The following SAGE1 variants were observed in gnomAD, a reference collection of about 807,000 sequenced individuals.
The protein encoded by SAGE1 is sarcoma antigen 1.
In SAGE1, 55 loss-of-function variants were observed where a neutral mutation model predicts 55.4. The ratio of observed to expected loss-of-function variants is 0.99; its 90% CI spans 0.80 to 1.24. The LOEUF is 1.24. SAGE1 is among the 50% of genes most tolerant of loss of function. The pLI is 0.00. For synonymous variants in SAGE1, 240 were observed against 244.3 expected, an observed-to-expected ratio of 0.98 and a Z score of 0.17; for missense variants, 710 against 704.4, an observed-to-expected ratio of 1.01 and a Z score of -0.09.
rs781844890 is a variant in SAGE1 at position 135,906,551 on chromosome X, T to G, written c.736T>G (p.Tyr246Asp). The change falls in exon 7 of 20, where the codon TAT becomes GAT. Residue 246 changes from tyrosine (Y) to aspartate (D), a missense_variant and splice_region_variant. Coordinates refer to ENST00000370709, the MANE Select transcript of SAGE1 (RefSeq NM_001381902.1). Reference protein sequence around the residue: ...GISPMSTRDPYATITYNVPEE... With the variant: ...GISPMSTRDPDATITYNVPEE... ...TTCACCCATGAGTACCAGGGATCCA[T>G]GTAAGTTTGTTTATTTGTATTACTG... 3 of 1,160,634 alleles carry G rather than the reference T, an allele frequency of 2.6e-6. No individual in the cohort carries two copies. The highest frequency in any genetic ancestry group is 3.5e-6 in the Non-Finnish European group (3 of 857,376).
At chrX:135,904,388 T>A (rs2088741480) in intron 3 of SAGE1, 89 bp from the exon 4 acceptor site, 2 of 543,237 alleles carry the variant, frequency 3.7e-6, no homozygotes, top group Admixed American at 5.9e-5. Context: ...ATGAGATAAT[T>A]TCCTAGATAC....
At chrX:135,908,454 C>T (rs1433375832) in intron 11 of SAGE1, 23 bp from the exon 12 acceptor site, 3 of 1,188,592 alleles carry the variant, frequency 2.5e-6, no homozygotes, top group Non-Finnish European at 2.3e-6. Flanking sequence ...ACTCACAGCT[C>T]GACCTCTTTA....
At chrX:135,899,874 C>T (rs782245297) in intron 2 of SAGE1, among the ~76,000 whole-genome samples, 1 of 110,940 alleles carries the variant, frequency 9.0e-6, no homozygotes, top group Non-Finnish European at 1.9e-5. Context: ...AATTGCTTAT[C>T]AGCTTAAGAA....
At chrX:135,904,736 A>T (rs1556599234) in intron 4 of SAGE1, among the ~76,000 whole-genome samples, 167 bp downstream of exon 4, 2 of 111,450 alleles carry the variant, frequency 1.8e-5, no homozygotes, top group African/African-American at 6.5e-5. Flanking sequence ...GGGGTATCAG[A>T]TGGCCAGCTG....
chrX:135,893,820 T>C (rs1327693128), intron 1 of SAGE1, among the ~76,000 whole-genome samples, 39 bp downstream of exon 1: 2 of 111,927 alleles, frequency 1.8e-5, no homozygotes, highest in Non-Finnish European at 3.8e-5. Context: ...TCTTGTGATA[T>C]ATTTCTCTGG....
In SAGE1 at chrX:135,894,159, G is replaced by A. The variant is rs781868588; in HGVS notation, c.-1+378G>A. 4.9e-3 allele frequency among the ~76,000 whole-genome samples: 544 copies of A among 111,861 alleles called. 4 individuals are homozygous for A. Among genetic ancestry groups the A allele is most frequent in the Non-Finnish European group, 6.7e-3 (358 of 53,120 alleles). On this transcript the variant is annotated intron_variant, in intron 1 of 19. Transcript: ENST00000370709. ...CATGATCTTGGCTCACCCAACCTCC[G>A]CCTCCCGGGTTCAAGTGATTCTCCT...
intron 12 of SAGE1, 22 bp downstream of exon 12, chrX:135,908,639 A>G (rs782700394): frequency 8.6e-7 from 1 of 1,157,607 alleles, no homozygotes; most frequent in African/African-American, 1.8e-5. Context: ...TTTTAGTTAT[A>G]CCATCCTCCT....
chrX:135,908,313 ATT>A, intron 11 of SAGE1, 84 bp downstream of exon 11: 1 of 1,057,810 alleles, frequency 9.5e-7, no homozygotes, highest in Admixed American at 2.4e-5. Flanking sequence ...GTTTTATTAT[ATT>A]GTCTTTCGTG....
At chrX:135,902,816 T>C (rs1191969643) in intron 3 of SAGE1, among the ~76,000 whole-genome samples, 3 of 112,235 alleles carry the variant, frequency 2.7e-5, no homozygotes, top group African/African-American at 6.5e-5. Context: ...GTATAAATTC[T>C]GCATCCAACC....
At chrX:135,905,633 G>C (rs1452702519) in intron 5 of SAGE1, among the ~76,000 whole-genome samples, 1 of 111,586 alleles carries the variant, frequency 9.0e-6, no homozygotes, top group Non-Finnish European at 1.9e-5. Context: ...CTCTTCGTTT[G>C]TTTTCCAGAT....
chrX:135,911,151 T>C, intron 16 of SAGE1, 41 bp from the exon 17 acceptor site: 1 of 1,195,730 alleles, frequency 8.4e-7, no homozygotes, highest in Admixed American at 2.2e-5. Context: ...GTTGTCATTA[T>C]GCACTTACTT....
At chrX:135,894,370 C>A (rs1168245707) in intron 1 of SAGE1, among the ~76,000 whole-genome samples, 3 of 113,051 alleles carry the variant, frequency 2.7e-5, no homozygotes, top group Non-Finnish European at 5.6e-5. Context: ...CTGCACCCAG[C>A]CTGTTTCTTC....
intron 10 of SAGE1, 90 bp downstream of exon 10, chrX:135,907,931 T>C (rs1556603083): frequency 9.2e-7 from 1 of 1,084,354 alleles, no homozygotes; most frequent in Non-Finnish European, 1.3e-6. Context: ...TGTTGTATTA[T>C]GTTTTCTGGC....
At chrX:135,907,620 C>T (rs2088819508) in intron 9 of SAGE1, 81 bp from the exon 10 acceptor site, 2 of 1,069,299 alleles carry the variant, frequency 1.9e-6, no homozygotes, top group Non-Finnish European at 2.6e-6. Flanking sequence ...ATTTCCTAGA[C>T]CCTGAGCATC....
intron 12 of SAGE1, 45 bp from the exon 13 acceptor site, chrX:135,908,819 A>G (rs782154467): frequency 2.5e-6 from 3 of 1,194,873 alleles, no homozygotes; most frequent in South Asian, 1.8e-5. Context: ...TGGGGTTGAC[A>G]TAATGCACGT....
intron 2 of SAGE1, among the ~76,000 whole-genome samples, chrX:135,898,912 G>T (rs782744186): frequency 8.9e-6 from 1 of 112,151 alleles, no homozygotes; most frequent in Non-Finnish European, 1.9e-5. Flanking sequence ...CAGATGGGCA[G>T]ATTGCAAAAG....
At chrX:135,907,109 A>T (rs1217117574) in intron 8 of SAGE1, 43 bp downstream of exon 8, 1 of 1,156,674 alleles carries the variant, frequency 8.6e-7, no homozygotes, top group Non-Finnish European at 1.2e-6. Flanking sequence ...TGGTTTCCAT[A>T]TACGTGCATA....
chrX:135,906,800 A>G, intron 7 of SAGE1, 126 bp from the exon 8 acceptor site: 1 of 966,661 alleles, frequency 1.0e-6, no homozygotes. Context: ...GGGGTCTCGT[A>G]TGGCAACCTG....
At chrX:135,894,082 C>T (rs1485725797) in intron 1 of SAGE1, among the ~76,000 whole-genome samples, 2 of 111,410 alleles carry the variant, frequency 1.8e-5, no homozygotes, top group Admixed American at 1.9e-4. Context: ...TATTTTGAGA[C>T]GGAGTTTCAC....
Sources: gnomAD v4.1 joint callset for allele counts (sites outside exome capture counted in the v4.1 genomes callset) on GRCh38, gnomAD v4.1.1 for gene constraint, MANE v1.5 for transcripts, NCBI Gene and HGNC (gene_info 2026-07-23, HGNC 2026-07-21) for gene names.